The following NEK1 variants were observed in gnomAD, a reference collection of about 807,000 sequenced individuals.
NEK1 encodes serine/threonine-protein kinase Nek1.
A neutral mutation model predicts 182.1 loss-of-function variants in NEK1; 137 were observed. That is an observed-to-expected ratio of 0.75 (90% CI 0.65 to 0.87). The LOEUF is 0.87. Ranked by LOEUF, NEK1 falls within the 40% of genes least tolerant of loss-of-function variation. The pLI is 0.00. For missense variants in NEK1, 1,391 were observed against 1,494.4 expected, an observed-to-expected ratio of 0.93 and a Z score of 1.14; for synonymous variants, 513 against 492.2, an observed-to-expected ratio of 1.04 and a Z score of -0.56.
At chr4:169,396,172 C>T (rs575269399) in intron 35 of NEK1, among the ~76,000 whole-genome samples, 1 of 151,834 alleles carries the variant, frequency 6.6e-6, no homozygotes, top group East Asian at 1.9e-4. Flanking sequence ...TTGAGACCAG[C>T]CTGGCCAACA....
In NEK1 at chr4:169,445,863, T is replaced by TATATATATATATATATATAC. The variant is rs1554034324; in HGVS notation, c.2588-7605_2588-7604insGTATATATATATATATATAT. Among the ~76,000 whole-genome samples the TATATATATATATATATATAC allele has an allele frequency of 3.3e-4, 43 of 130,890 alleles. 2 individuals carry two copies. Among genetic ancestry groups the TATATATATATATATATATAC allele is most frequent in the African/African-American group, 1.3e-3 (43 of 34,034 alleles). The allele number at this position is 130,890 out of a possible 152,430, so 85.9% of individuals were successfully genotyped here. On this transcript the variant is annotated intron_variant, in intron 27 of 35. Coordinates refer to ENST00000507142, the MANE Select transcript of NEK1 (RefSeq NM_001199397.3). The stretch of plus-strand genomic sequence containing the variant: ...ACAACTATATACATATATATATATA[T>TATATATATATATATATATAC]ATACACACACACACACACACACATG...
intron 23 of NEK1, among the ~76,000 whole-genome samples, chr4:169,496,613 A>T (rs1751344993): frequency 6.7e-6 from 1 of 148,668 alleles, no homozygotes; most frequent in African/African-American, 2.6e-5. Flanking sequence ...TTTAGCATGA[A>T]GGGCTGTTGA....
intron 2 of NEK1, among the ~76,000 whole-genome samples, chr4:169,609,528 T>C (rs1179305694): frequency 6.6e-6 from 1 of 152,204 alleles, no homozygotes; most frequent in African/African-American, 2.4e-5. Flanking sequence ...ATAATAAATA[T>C]GGCATGCTAT....
intron 35 of NEK1, among the ~76,000 whole-genome samples, chr4:169,395,678 GAATT>G (rs887508959): frequency 1.1e-4 from 17 of 152,136 alleles, no homozygotes; most frequent in African/African-American, 3.9e-4. Flanking sequence ...ATAATATGTA[GAATT>G]AACAAAAGCT....
At chr4:169,530,152 A>G (rs1757453617) in intron 19 of NEK1, among the ~76,000 whole-genome samples, 1 of 152,360 alleles carries the variant, frequency 6.6e-6, no homozygotes, top group South Asian at 2.1e-4. Context: ...AAACTGTTGT[A>G]CATCCATTCA....
At chr4:169,545,292 G>C (rs1328274297) in intron 18 of NEK1, among the ~76,000 whole-genome samples, 2 of 148,670 alleles carry the variant, frequency 1.3e-5, no homozygotes, top group Non-Finnish European at 3.0e-5. Context: ...CTATGAGTGA[G>C]AATATGCAGT....
At chr4:169,496,847 A>G (rs1162359619) in intron 23 of NEK1, among the ~76,000 whole-genome samples, 3 of 152,016 alleles carry the variant, frequency 2.0e-5, no homozygotes, top group African/African-American at 7.3e-5. Context: ...TTCATCAGGG[A>G]TATTGGTCTA....
intron 26 of NEK1, among the ~76,000 whole-genome samples, chr4:169,473,995 A>G (rs984560637): frequency 6.6e-6 from 1 of 152,210 alleles, no homozygotes; most frequent in Non-Finnish European, 1.5e-5. Flanking sequence ...AGGAACTAGA[A>G]TTGTAAACAG....
chr4:169,581,161 C>A (rs546225427), intron 10 of NEK1, among the ~76,000 whole-genome samples: 4 of 151,086 alleles, frequency 2.6e-5, no homozygotes, highest in Non-Finnish European at 5.9e-5. Context: ...GCCCTGGCAA[C>A]ACAGTGAGAT....
At chr4:169,525,156 T>A (rs1015530291) in intron 19 of NEK1, among the ~76,000 whole-genome samples, 1 of 152,218 alleles carries the variant, frequency 6.6e-6, no homozygotes, top group Non-Finnish European at 1.5e-5. Context: ...TGAGAAAGAA[T>A]CTTGCTCTGT....
intron 11 of NEK1, 63 bp from the exon 12 acceptor site, chr4:169,577,142 ATTC>A (rs1458789940): frequency 2.7e-6 from 4 of 1,468,964 alleles, no homozygotes; most frequent in East Asian, 2.3e-5. Flanking sequence ...TACTTTCAGA[ATTC>A]TTCAAGATAG....
At position 169,477,184 on chromosome 4, in the gene NEK1, C is replaced by A; in HGVS notation, c.2374G>T (p.Gly792Cys). Residue 792 changes from glycine to cysteine, a missense_variant, in exon 26 of 36, where the codon GGT becomes TGT. Around this residue, in one of 5 missense-constraint regions of NEK1, gnomAD observed 1,216 missense variants for 1,277.6 expected, o/e 0.95. Transcript: ENST00000507142. ...SSDRKKWEAG[G>C]QLVIPLDELT... ...TCATCCAGAGGAATCACAAGTTGAC[C>A]TCCTGCCTCCCACTTCTTGCGATCA... The A allele has an allele frequency of 6.2e-7, 1 of 1,608,734 alleles. No individual in the cohort carries two copies. Among genetic ancestry groups the A allele is most frequent in the Non-Finnish European group, 8.5e-7 (1 of 1,177,332 alleles).
chr4:169,507,639 C>T (rs1295560962), intron 22 of NEK1, 76 bp downstream of exon 22: 2 of 1,063,314 alleles, frequency 1.9e-6, no homozygotes, highest in Admixed American at 2.0e-5. Context: ...TATAACTATG[C>T]AAAACTTAAG....
At chr4:169,481,984 A>G (rs1748118854) in intron 23 of NEK1, among the ~76,000 whole-genome samples, 1 of 152,186 alleles carries the variant, frequency 6.6e-6, no homozygotes, top group Admixed American at 6.5e-5. Context: ...CACCTTTATC[A>G]ATGATCTTAG....
intron 23 of NEK1, among the ~76,000 whole-genome samples, chr4:169,489,269 G>T (rs1452186134): frequency 2.0e-5 from 3 of 152,134 alleles, no homozygotes; most frequent in Non-Finnish European, 4.4e-5. Flanking sequence ...CTATAGAGGG[G>T]CGGAGGGAGG....
Position 169,588,649 on chromosome 4 carries a change from CT to C in NEK1, c.550del (p.Ser184ValfsTer25). Reference sequence around the variant, plus strand: ...ACATAATGAATATCATTTTAAATACCTTTTATTATTGTAAGGTTTGTTTTCA... The same window carrying C: ...ACATAATGAATATCATTTTAAATACCTTTATTATTGTAAGGTTTGTTTTCA... Reference protein sequence around the residue: ...ICENKPYNNKSDIWALGCVLY... With the variant: ...ICENKPYNNKXDIWALGCVLY... On this transcript the variant is annotated frameshift_variant and splice_region_variant, in exon 8 of 36. Coordinates refer to ENST00000507142, the MANE Select transcript of NEK1 (RefSeq NM_001199397.3). LOFTEE classifies it high-confidence loss of function. The C allele has an allele frequency of 1.3e-6, 2 of 1,521,450 alleles. No homozygotes were observed. The highest frequency in any genetic ancestry group is 1.2e-5 in the South Asian group (1 of 81,780). 94.2% of individuals were successfully genotyped at this position (1,521,450 alleles called of 1,614,324 possible).
intron 5 of NEK1, among the ~76,000 whole-genome samples, chr4:169,592,698 T>TAAA (rs56303055): frequency 6.8e-6 from 1 of 146,860 alleles, no homozygotes; most frequent in Non-Finnish European, 1.5e-5. Flanking sequence ...CAATTTTCTT[T>TAAA]AAAAAAAAAA....
chr4:169,611,620 T>C (rs745358368), intron 2 of NEK1, among the ~76,000 whole-genome samples: 1 of 152,232 alleles, frequency 6.6e-6, no homozygotes. Context: ...CAACAATTAA[T>C]GCCTTACATA....
intron 33 of NEK1, among the ~76,000 whole-genome samples, chr4:169,401,019 C>T (rs879804744): frequency 6.6e-6 from 1 of 151,976 alleles, no homozygotes; most frequent in Non-Finnish European, 1.5e-5. Context: ...ACGGGAAACA[C>T]CATGGAAAAG....
Sources: gnomAD v4.1 joint callset for allele counts (sites outside exome capture counted in the v4.1 genomes callset) on GRCh38, gnomAD v4.1.1 for gene constraint, gnomAD v4.1.1 regional missense constraint, MANE v1.5 for transcripts, NCBI Gene and HGNC (gene_info 2026-07-23, HGNC 2026-07-21) for gene names.